RASSF2: variants seen among roughly 807,000 people sequenced by gnomAD.
RASSF2 encodes the protein Ras association domain family member 2, also known as ras association domain-containing protein 2.
A neutral mutation model predicts 46.3 loss-of-function variants in RASSF2; 34 were observed. The observed-to-expected ratio is 0.73, with a 90% CI of 0.56 to 0.98. The LOEUF is 0.98. RASSF2 is among the 50% of genes least tolerant of loss of function. The probability of loss-of-function intolerance (pLI) is 0.00; values close to 1 mark genes in which losing one functional copy is unlikely to be tolerated. For synonymous variants in RASSF2, 158 were observed against 162.5 expected, an observed-to-expected ratio of 0.97 and a Z score of 0.21; for missense variants, 364 against 431.2, an observed-to-expected ratio of 0.84 and a Z score of 1.38.
chr20:4,789,578 T>C lies in RASSF2; in HGVS notation c.639+18A>G, dbSNP rs1393596367. On this transcript the variant is annotated intron_variant, in intron 8 of 11. Transcript: ENST00000379400. ...CAGCTGTGACCCCATCTGTGGCCAC[T>C]CAGCAAAGGGAACTTGCCTTAAATT... 3.1e-6 allele frequency: 5 copies of C among 1,608,526 alleles called. No homozygotes were observed. The highest frequency in any genetic ancestry group is 4.3e-6 in the Non-Finnish European group (5 of 1,175,066).
intron 4 of RASSF2, among the ~76,000 whole-genome samples, chr20:4,796,434 G>A (rs146910626): frequency 1.7e-4 from 26 of 152,304 alleles, no homozygotes; most frequent in Non-Finnish European, 2.9e-4. Context: ...AACATTTGCC[G>A]AAGTTTATTC....
intron 2 of RASSF2, among the ~76,000 whole-genome samples, chr20:4,803,312 G>A (rs899704362): frequency 1.3e-5 from 2 of 152,120 alleles, no homozygotes; most frequent in Admixed American, 6.5e-5. Context: ...TCCACGACCC[G>A]AGGGACACAG....
At chr20:4,814,901 A>G (rs1483378329) in intron 2 of RASSF2, among the ~76,000 whole-genome samples, 1 of 152,222 alleles carries the variant, frequency 6.6e-6, no homozygotes, top group East Asian at 1.9e-4. Flanking sequence ...AAGGAAAGTC[A>G]GCCCCATGAA....
intron 3 of RASSF2, 93 bp downstream of exon 3, chr20:4,800,879 T>C: frequency 1.9e-6 from 2 of 1,049,616 alleles, no homozygotes; most frequent in Admixed American, 1.8e-5. Flanking sequence ...TGATATACAG[T>C]GGGGGGCCCT....
chr20:4,784,692 A>G (rs775226104), intron 11 of RASSF2, among the ~76,000 whole-genome samples: 9 of 152,046 alleles, frequency 5.9e-5, no homozygotes, highest in Non-Finnish European at 1.2e-4. Context: ...GACACTATGC[A>G]TAGTACTTCA....
At chr20:4,818,970 T>C (rs1214133905) in intron 2 of RASSF2, among the ~76,000 whole-genome samples, 1 of 152,180 alleles carries the variant, frequency 6.6e-6, no homozygotes, top group African/African-American at 2.4e-5. Flanking sequence ...CTTTTTTCTT[T>C]CTTTTTTTTG....
rs757099963 is a variant in RASSF2, at chr20:4,795,903, G to A, written c.199C>T (p.Arg67Cys). Residue 67 changes from arginine to cysteine, a missense_variant, in exon 5 of 12, where the codon CGC (arginine) becomes TGC (cysteine). Arg to Cys is a radical substitution (Grantham distance 180). Transcript: ENST00000379400. The surrounding 1 kb of genome is among the most constrained non-coding windows in gnomAD (Gnocchi z 4.0). Reference sequence around the variant, plus strand: ...TCGTTGTCATCCTGCATCTGCAGGCGAATGGGCCGGCGCAGGCCCCAGGAG... The same window carrying A: ...TCGTTGTCATCCTGCATCTGCAGGCAAATGGGCCGGCGCAGGCCCCAGGAG... ...NISWGLRRPI[R>C]LQMQDDNERI... 2.9e-5 allele frequency: 46 copies of A among 1,606,568 alleles called. No homozygotes were observed. Among genetic ancestry groups the A allele is most frequent in the Admixed American group, 1.2e-4 (7 of 59,484 alleles).
At chr20:4,796,505 A>G (rs1177676044) in intron 4 of RASSF2, among the ~76,000 whole-genome samples, 2 of 152,234 alleles carry the variant, frequency 1.3e-5, no homozygotes, top group Non-Finnish European at 2.9e-5. Context: ...TCAAGTGATC[A>G]TGAGCTGGGA....
rs778467365 is a variant in RASSF2, at chr20:4,795,792, C to T, written c.287+23G>A. On this transcript the variant is annotated intron_variant, in intron 5 of 11. Coordinates refer to ENST00000379400, the MANE Select transcript of RASSF2 (RefSeq NM_014737.3). This position sits in a 1 kb window ranked among gnomAD's most constrained non-coding sequence, Gnocchi z 4.0. ...ACACCCAAGCATCCCAGTCATCTCC[C>T]TGCCCCGTCTCTCCTCACTCACCCC... 6.3e-7 allele frequency: 1 copy of T among 1,599,614 alleles called. No homozygotes were observed. The highest frequency in any genetic ancestry group is 8.5e-7 in the Non-Finnish European group (1 of 1,171,834).
intron 7 of RASSF2, among the ~76,000 whole-genome samples, chr20:4,789,984 G>A (rs1276958891): frequency 2.0e-5 from 3 of 152,168 alleles, no homozygotes; most frequent in Non-Finnish European, 2.9e-5. Flanking sequence ...TTTGAACAAA[G>A]CAGGAGGAAA....
chr20:4,786,833 C>T (rs1035976702), intron 10 of RASSF2, among the ~76,000 whole-genome samples: 1 of 152,088 alleles, frequency 6.6e-6, no homozygotes, highest in Admixed American at 6.6e-5. Context: ...CCTGTAATCC[C>T]GGCACTTTGG....
At chr20:4,808,318 T>C (rs905613377) in intron 2 of RASSF2, among the ~76,000 whole-genome samples, 3 of 152,068 alleles carry the variant, frequency 2.0e-5, no homozygotes, top group South Asian at 2.1e-4. Flanking sequence ...TACAGACTAA[T>C]GGTTGTTATG....
At chr20:4,794,482 G>T (rs1435815476) in intron 5 of RASSF2, among the ~76,000 whole-genome samples, 8 of 151,906 alleles carry the variant, frequency 5.3e-5, no homozygotes, top group Non-Finnish European at 1.0e-4. Context: ...GGCACGAATC[G>T]CTTGAACCCG....
intron 2 of RASSF2, among the ~76,000 whole-genome samples, chr20:4,816,106 A>G (rs1928283685): frequency 6.6e-6 from 1 of 152,192 alleles, no homozygotes; most frequent in Non-Finnish European, 1.5e-5. Flanking sequence ...GTTCAAGACC[A>G]GCTTGGGCAA....
chr20:4,795,364 G>C lies in RASSF2; in HGVS notation c.287+451C>G, dbSNP rs1026508415. On this transcript the variant is annotated intron_variant, in intron 5 of 11. Transcript: ENST00000379400. The surrounding 1 kb of genome is among the most constrained non-coding windows in gnomAD (Gnocchi z 4.0). Reference sequence around the variant, plus strand: ...CTTTTCCTCTTCTAGGTTCCCCCAAGATTCAGAGAGCTTTGGTCAGAAGGT... The same window carrying C: ...CTTTTCCTCTTCTAGGTTCCCCCAACATTCAGAGAGCTTTGGTCAGAAGGT... 3.9e-5 allele frequency: 6 copies of C among 153,472 alleles called. No individual in the cohort carries two copies. The highest frequency in any genetic ancestry group is 1.4e-4 in the African/African-American group (6 of 41,480). 9.5% of individuals were successfully genotyped at this position (153,472 alleles called of 1,614,324 possible).
At chr20:4,800,049 T>C (rs953231462) in intron 3 of RASSF2, among the ~76,000 whole-genome samples, 10 of 151,738 alleles carry the variant, frequency 6.6e-5, no homozygotes, top group Admixed American at 6.6e-4. Context: ...GAGGCAGAGG[T>C]TGCCATGAAC....
In RASSF2 at chr20:4,792,591, C is replaced by A; in HGVS notation, c.324G>T (p.Gln108His). The A allele has an allele frequency of 1.9e-6, 3 of 1,614,114 alleles. No homozygotes were observed. Among genetic ancestry groups the A allele is most frequent in the Non-Finnish European group, 2.5e-6 (3 of 1,180,008 alleles). The change falls in exon 6 of 12, where the codon CAG becomes CAT. Residue 108 changes from glutamine to histidine, a missense_variant. Coordinates refer to ENST00000379400, the MANE Select transcript of RASSF2 (RefSeq NM_014737.3). ...TLKPLTVPKV[Q>H]ISEVDAPPEG... ...CCGGCGGGGCATCCACCTCTGAGAT[C>A]TGAACTTTGGGCACAGTCAGGGGCT...
Position 4,782,626 on chromosome 20 carries a change from C to A in RASSF2, c.*1647G>T, listed in dbSNP as rs1257217655. 1 of 152,248 alleles carries A rather than the reference C, an allele frequency of 6.6e-6. No individual in the cohort carries two copies. Among genetic ancestry groups the A allele is most frequent in the Non-Finnish European group, 1.5e-5 (1 of 68,074 alleles). 9.4% of individuals were successfully genotyped at this position (152,248 alleles called of 1,614,324 possible). ...TCTACGTTAAGACCACAGCTGTGAG[C>A]CTTCTCAAGAAGCCATAGGTATGAA... is the stretch of plus-strand genomic sequence containing the variant. On this transcript the variant is annotated 3_prime_UTR_variant, in exon 12 of 12. Coordinates refer to ENST00000379400, the MANE Select transcript of RASSF2 (RefSeq NM_014737.3).
chr20:4,801,249 C>T (rs1926843354), intron 2 of RASSF2, among the ~76,000 whole-genome samples, 187 bp from the exon 3 acceptor site: 1 of 152,174 alleles, frequency 6.6e-6, no homozygotes, highest in African/African-American at 2.4e-5. Context: ...CTCGGCTTGC[C>T]ACAGCCTCTG....
Sources: allele counts gnomAD v4.1 joint callset (sites outside exome capture counted in the v4.1 genomes callset), GRCh38; gene constraint gnomAD v4.1.1; non-coding constraint Gnocchi (gnomAD v3.1); transcripts MANE v1.5; gene names NCBI Gene and HGNC (gene_info 2026-07-23, HGNC 2026-07-21).